ARL6IP6: variants seen among roughly 807,000 people sequenced by gnomAD.
ARL6IP6 encodes the protein ADP-ribosylation factor-like protein 6-interacting protein 6.
ARL6IP6 carries 22 observed loss-of-function variants against 21.5 expected under a neutral mutation model. The ratio of observed to expected loss-of-function variants is 1.02; its 90% CI spans 0.73 to 1.46. ARL6IP6 has a LOEUF of 1.46. Among genes scored for constraint, ARL6IP6 ranks in the 40% most tolerant of loss-of-function variants. ARL6IP6 has a pLI of 0.00. For missense variants in ARL6IP6, 388 were observed against 299.8 expected, an observed-to-expected ratio of 1.29 and a Z score of -2.17; for synonymous variants, 164 against 125.3, an observed-to-expected ratio of 1.31 and a Z score of -2.06.
intron 3 of ARL6IP6, among the ~76,000 whole-genome samples, chr2:152,750,399 C>A (rs1407137062): frequency 6.6e-6 from 1 of 150,776 alleles, no homozygotes; most frequent in African/African-American, 2.4e-5. Flanking sequence ...TCGTTTGAAC[C>A]TGAAAGGCGG....
At chr2:152,753,875 G>A (rs1194239741) in intron 3 of ARL6IP6, among the ~76,000 whole-genome samples, 2 of 151,734 alleles carry the variant, frequency 1.3e-5, no homozygotes, top group African/African-American at 4.8e-5. Context: ...CTAATTTTTT[G>A]TATTTTTAGT....
intron 3 of ARL6IP6, among the ~76,000 whole-genome samples, chr2:152,749,420 G>A (rs1701217244): frequency 1.3e-5 from 2 of 151,786 alleles, no homozygotes; most frequent in African/African-American, 4.8e-5. Context: ...ACTATTGTTT[G>A]TTTCTTTGTT....
intron 2 of ARL6IP6, among the ~76,000 whole-genome samples, chr2:152,726,260 A>C (rs538827497): frequency 6.6e-6 from 1 of 152,298 alleles, no homozygotes; most frequent in South Asian, 2.1e-4. Flanking sequence ...CACCTTCCTC[A>C]TCTGTTTCAA....
intron 2 of ARL6IP6, among the ~76,000 whole-genome samples, chr2:152,723,579 CTTTCTT>C (rs780964712): frequency 2.2e-4 from 33 of 152,164 alleles, no homozygotes; most frequent in African/African-American, 6.0e-4. Flanking sequence ...AAAGAGTTCT[CTTTCTT>C]TTTCTAGACA....
chr2:152,751,714 T>G (rs1701341628), intron 3 of ARL6IP6, among the ~76,000 whole-genome samples: 1 of 152,226 alleles, frequency 6.6e-6, no homozygotes, highest in African/African-American at 2.4e-5. Context: ...TTCATTTTTT[T>G]TTAATGGCTG....
chr2:152,720,305 A>G, intron 1 of ARL6IP6: 1 of 556,956 alleles, frequency 1.8e-6, no homozygotes, highest in Non-Finnish European at 3.2e-6. Context: ...TAGGGAATAA[A>G]CAGTACTCTC....
chr2:152,748,201 C>G (rs1418594713), intron 3 of ARL6IP6, among the ~76,000 whole-genome samples: 3 of 152,170 alleles, frequency 2.0e-5, no homozygotes, highest in Admixed American at 1.3e-4. Flanking sequence ...CTTTAAAATT[C>G]TAACCCTGAT....
chr2:152,752,055 C>T (rs773575513), intron 3 of ARL6IP6, among the ~76,000 whole-genome samples: 15 of 152,212 alleles, frequency 9.9e-5, no homozygotes, highest in Admixed American at 2.0e-4. Flanking sequence ...ATCTAAATTA[C>T]GTAATAAAGG....
At chr2:152,718,498 T>A, upstream of ARL6IP6, 2 of 1,360,118 alleles carry the variant, frequency 1.5e-6, no homozygotes, top group South Asian at 1.7e-5. Context: ...ACCCTTGCTC[T>A]CCGTGGTTTA....
chr2:152,755,043 T>G (rs1012644096), intron 3 of ARL6IP6, among the ~76,000 whole-genome samples: 3 of 152,108 alleles, frequency 2.0e-5, no homozygotes, highest in African/African-American at 7.2e-5. Context: ...TATTCCAATA[T>G]TATAATAATC....
intron 2 of ARL6IP6, among the ~76,000 whole-genome samples, chr2:152,732,845 T>C (rs552034382): frequency 1.3e-5 from 2 of 152,284 alleles, no homozygotes; most frequent in Non-Finnish European, 2.9e-5. Flanking sequence ...ATAGTTGTTA[T>C]ACTGTATTGG....
chr2:152,760,125 A>G lies in ARL6IP6; in HGVS notation c.*285A>G, dbSNP rs1425349396. Reference sequence around the variant, plus strand: ...TACTTTTGTGTGTGTAGTTCTTTCAAGTTGTAGGAAACATTTTAATGGAAT... The same window carrying G: ...TACTTTTGTGTGTGTAGTTCTTTCAGGTTGTAGGAAACATTTTAATGGAAT... On this transcript the variant is annotated 3_prime_UTR_variant, in exon 4 of 4. Coordinates refer to ENST00000326446, the MANE Select transcript of ARL6IP6 (RefSeq NM_152522.7). The G allele has an allele frequency of 8.6e-6, 2 of 233,720 alleles. No individual in the cohort carries two copies. Among genetic ancestry groups the G allele is most frequent in the South Asian group, 1.1e-4 (1 of 8,916 alleles). 14.5% of individuals were successfully genotyped at this position (233,720 alleles called of 1,614,324 possible).
intron 3 of ARL6IP6, among the ~76,000 whole-genome samples, chr2:152,742,235 GTGGAAAAATAC>G (rs1171075033): frequency 6.6e-6 from 1 of 152,138 alleles, no homozygotes; most frequent in East Asian, 1.9e-4. Flanking sequence ...TTACCTACCC[GTGGAAAAATAC>G]TGCATGCAAA....
chr2:152,748,676 C>G (rs1225451933), intron 3 of ARL6IP6, among the ~76,000 whole-genome samples: 2 of 152,172 alleles, frequency 1.3e-5, no homozygotes, highest in Non-Finnish European at 2.9e-5. Context: ...CTGGCAAGCA[C>G]AGAGCGCTTT....
At chr2:152,746,001 CTT>C (rs67760283) in intron 3 of ARL6IP6, among the ~76,000 whole-genome samples, 2,809 of 64,980 alleles carry the variant, frequency 0.043, 44 homozygotes, top group African/African-American at 0.077. Context: ...TGCTTTGTAC[CTT>C]TTTTTTTTTT....
At chr2:152,751,913 A>G (rs1701351754) in intron 3 of ARL6IP6, among the ~76,000 whole-genome samples, 1 of 152,186 alleles carries the variant, frequency 6.6e-6, no homozygotes, top group African/African-American at 2.4e-5. Context: ...GCTGGATTAT[A>G]TGGTAGTTTC....
chr2:152,734,837 A>G (rs1163392889), intron 2 of ARL6IP6, among the ~76,000 whole-genome samples, 157 bp from the exon 3 acceptor site: 1 of 152,250 alleles, frequency 6.6e-6, no homozygotes, highest in Non-Finnish European at 1.5e-5. Flanking sequence ...TTATTTCTAC[A>G]TAAGTTAGCT....
upstream of ARL6IP6, chr2:152,718,345 A>G: frequency 2.8e-6 from 1 of 351,854 alleles, no homozygotes; most frequent in Non-Finnish European, 4.9e-6. Flanking sequence ...GGGAGTGGAT[A>G]CTCGACAGCC....
chr2:152,743,796 A>G (rs1241243156), intron 3 of ARL6IP6, among the ~76,000 whole-genome samples: 2 of 152,216 alleles, frequency 1.3e-5, no homozygotes, highest in East Asian at 3.8e-4. Context: ...GATCAAAGGT[A>G]TATAAAAGTA....
Sources: gnomAD v4.1 joint callset for allele counts (sites outside exome capture counted in the v4.1 genomes callset) on GRCh38, gnomAD v4.1.1 for gene constraint, MANE v1.5 for transcripts, NCBI Gene and HGNC (gene_info 2026-07-23, HGNC 2026-07-21) for gene names.